PAX3: variants seen among roughly 807,000 people sequenced by gnomAD.
PAX3 encodes the protein paired box protein Pax-3.
In PAX3, 14 loss-of-function variants were observed where a neutral mutation model predicts 51.6. The ratio of observed to expected loss-of-function variants is 0.27; its 90% CI spans 0.18 to 0.42. The LOEUF (loss-of-function observed/expected upper bound fraction) is 0.42, where lower values mean the gene tolerates loss of function less well. Among genes scored for constraint, PAX3 ranks in the 10% least tolerant of loss-of-function variants. The pLI is 1.00. For missense variants in PAX3, 540 were observed against 642.8 expected (o/e 0.84, Z 1.73); for synonymous variants, 280 against 253.4 (o/e 1.11, Z -1.00).
chr2:222,209,388 G>T lies in PAX3; in HGVS notation c.1174-7198C>A, dbSNP rs117091406. On this transcript the variant is annotated intron_variant, in intron 7 of 8. Coordinates refer to ENST00000392070, the MANE Select transcript of PAX3 (RefSeq NM_181458.4). ...AGAAAAGAACCAACTGAAAAGACCTGGTGATACTGATTTACCTGTGATACT... is the reference window on the plus strand; with the variant it reads ...AGAAAAGAACCAACTGAAAAGACCTTGTGATACTGATTTACCTGTGATACT... 3.3e-5 allele frequency among the ~76,000 whole-genome samples: 5 copies of T among 152,142 alleles called. No homozygotes were observed. In the East Asian group the frequency reaches 9.7e-4, roughly 29 times the overall value.
At chr2:222,217,698 G>A (rs1437802020) in intron 7 of PAX3, among the ~76,000 whole-genome samples, 1 of 152,142 alleles carries the variant, frequency 6.6e-6, no homozygotes, top group Non-Finnish European at 1.5e-5. Flanking sequence ...GTGACTTATA[G>A]GTCACAAGCC....
At chr2:222,281,710 T>G (rs1363455220) in intron 4 of PAX3, among the ~76,000 whole-genome samples, 3 of 152,256 alleles carry the variant, frequency 2.0e-5, no homozygotes, top group African/African-American at 4.8e-5. Context: ...TTACAGGTAG[T>G]AATCAGATGC....
At chr2:222,246,737 G>A (rs1317934193) in intron 4 of PAX3, among the ~76,000 whole-genome samples, 3 of 152,068 alleles carry the variant, frequency 2.0e-5, no homozygotes, top group African/African-American at 7.2e-5. Flanking sequence ...ACATTAAAAA[G>A]GTAAATAAAA....
intron 5 of PAX3, among the ~76,000 whole-genome samples, chr2:222,228,328 T>C (rs1425808663): frequency 6.6e-6 from 1 of 152,200 alleles, no homozygotes; most frequent in Non-Finnish European, 1.5e-5. Context: ...AGGCCCTGCT[T>C]CGAAGAGGAG....
chr2:222,247,792 ATT>A (rs962999427), intron 4 of PAX3, among the ~76,000 whole-genome samples: 2 of 151,566 alleles, frequency 1.3e-5, no homozygotes, highest in Non-Finnish European at 2.9e-5. Flanking sequence ...GGAAAAAAAA[ATT>A]TTTTTTTAGC....
chr2:222,243,134 A>T (rs1693083038), intron 4 of PAX3, among the ~76,000 whole-genome samples: 1 of 152,242 alleles, frequency 6.6e-6, no homozygotes, highest in African/African-American at 2.4e-5. Context: ...CAAGATTAGC[A>T]TGACACGAGA....
intron 4 of PAX3, among the ~76,000 whole-genome samples, chr2:222,290,254 A>C (rs1694981185): frequency 1.3e-5 from 2 of 152,014 alleles, no homozygotes; most frequent in African/African-American, 2.4e-5. Flanking sequence ...CCTCCCCCCC[A>C]AAAAGCTGAA....
intron 4 of PAX3, among the ~76,000 whole-genome samples, chr2:222,266,039 T>C (rs1244718198): frequency 6.6e-6 from 1 of 152,188 alleles, no homozygotes; most frequent in East Asian, 1.9e-4. Context: ...CTTGTAAAAT[T>C]TGGGAGACTT....
chr2:222,262,465 A>G (rs757827376), intron 4 of PAX3: 13 of 152,312 alleles, frequency 8.5e-5, no homozygotes, highest in Admixed American at 2.6e-4. Flanking sequence ...TAATAAAATG[A>G]CATCCTCAGT....
At chr2:222,284,885 G>C (rs555672220) in intron 4 of PAX3, among the ~76,000 whole-genome samples, 3 of 152,210 alleles carry the variant, frequency 2.0e-5, no homozygotes, top group African/African-American at 7.2e-5. Context: ...CAAAACTGAA[G>C]TTCAAAAGGT....
At chr2:222,216,781 T>C (rs960321724) in intron 7 of PAX3, among the ~76,000 whole-genome samples, 1 of 152,114 alleles carries the variant, frequency 6.6e-6, no homozygotes, top group Admixed American at 6.6e-5. Flanking sequence ...AATTCCTTGA[T>C]GAGAAACTAG....
At chr2:222,277,836 A>C (rs1480664910) in intron 4 of PAX3, among the ~76,000 whole-genome samples, 1 of 150,898 alleles carries the variant, frequency 6.6e-6, no homozygotes, top group African/African-American at 2.4e-5. Flanking sequence ...CGGGAGGCTG[A>C]GGCAGGAGAA....
At chr2:222,237,326 G>GCACACA (rs3075849) in intron 4 of PAX3, among the ~76,000 whole-genome samples, 8,927 of 146,372 alleles carry the variant, frequency 0.061, 326 homozygotes, top group African/African-American at 0.099. Flanking sequence ...TTTATCACAT[G>GCACACA]CACACACACA....
intron 5 of PAX3, among the ~76,000 whole-genome samples, chr2:222,226,187 T>G (rs1201293846): frequency 6.6e-6 from 1 of 152,216 alleles, no homozygotes; most frequent in Non-Finnish European, 1.5e-5. Flanking sequence ...AACAAGATTG[T>G]AAAACGTTTG....
At chr2:222,287,775 G>T (rs1219038084) in intron 4 of PAX3, among the ~76,000 whole-genome samples, 1 of 152,036 alleles carries the variant, frequency 6.6e-6, no homozygotes, top group Non-Finnish European at 1.5e-5. Flanking sequence ...TTAATAGGAG[G>T]ATTATAATAG....
Position 222,272,578 on chromosome 2 carries a change from A to G in PAX3, c.586+21589T>C, listed in dbSNP as rs555139414. On this transcript the variant is annotated intron_variant, in intron 4 of 8. Coordinates refer to ENST00000392070, the MANE Select transcript of PAX3 (RefSeq NM_181458.4). ...TTAACCAACTGTTTTTAATTTACAA[A>G]TTAAACTTGTCAGAAGTAGAAATCC... Among the ~76,000 whole-genome samples, 3 of 152,348 alleles carry G rather than the reference A, an allele frequency of 2.0e-5. No individual in the cohort carries two copies. The East Asian group carries it at 5.8e-4, about 29-fold the overall frequency.
Position 222,220,464 on chromosome 2 carries a change from T to C in PAX3, c.959-110A>G, listed in dbSNP as rs573620968. Reference sequence around the variant, plus strand: ...CCATCAGGAGCATCTATTGATCAAATCAAATGTTCACTTCAAACTGCGTTT... The same window carrying C: ...CCATCAGGAGCATCTATTGATCAAACCAAATGTTCACTTCAAACTGCGTTT... On this transcript the variant is annotated intron_variant, in intron 6 of 8. Transcript: ENST00000392070. 8.2e-5 allele frequency: 83 copies of C among 1,017,020 alleles called. No individual in the cohort carries two copies. In the East Asian group the frequency reaches 2.1e-3, roughly 25 times the overall value. The allele number at this position is 1,017,020 out of a possible 1,614,324, so 63.0% of individuals were successfully genotyped here.
intron 7 of PAX3, among the ~76,000 whole-genome samples, chr2:222,202,789 C>A (rs1691351294): frequency 6.7e-6 from 1 of 150,186 alleles, no homozygotes. Flanking sequence ...TCCTGATGGT[C>A]TCTGGTACTT....
At chr2:222,297,769 C>T (rs1695383542) in intron 1 of PAX3, among the ~76,000 whole-genome samples, 1 of 152,242 alleles carries the variant, frequency 6.6e-6, no homozygotes, top group African/African-American at 2.4e-5. Flanking sequence ...ACAGAGACCA[C>T]AGCAGCGGCA....
Sources: allele counts gnomAD v4.1 joint callset (sites outside exome capture counted in the v4.1 genomes callset), GRCh38; gene constraint gnomAD v4.1.1; transcripts MANE v1.5; gene names NCBI Gene and HGNC (gene_info 2026-07-23, HGNC 2026-07-21).